The following TRHDE variants were observed in gnomAD, a reference collection of about 807,000 sequenced individuals.
TRHDE encodes the protein thyrotropin-releasing hormone-degrading ectoenzyme.
TRHDE carries 72 observed loss-of-function variants against 125.7 expected under a neutral mutation model. The ratio of observed to expected loss-of-function variants is 0.57; its 90% CI spans 0.47 to 0.70. TRHDE has a LOEUF of 0.70. TRHDE is among the 30% of genes least tolerant of loss of function. The probability of loss-of-function intolerance (pLI) is 0.00; values close to 1 mark genes in which losing one functional copy is unlikely to be tolerated. For synonymous variants in TRHDE, 509 were observed against 509.1 expected, an observed-to-expected ratio of 1.00 and a Z score of 0.00; for missense variants, 1,110 against 1,327.1, an observed-to-expected ratio of 0.84 and a Z score of 2.54.
At chr12:72,302,947 G>T (rs746588666) in intron 2 of TRHDE, among the ~76,000 whole-genome samples, 4 of 152,136 alleles carry the variant, frequency 2.6e-5, no homozygotes, top group South Asian at 2.1e-4. Flanking sequence ...TAGCACATCC[G>T]ATGTGACAAC....
Position 72,537,454 on chromosome 12 carries a change from G to T in TRHDE, c.1723-4837G>T, listed in dbSNP as rs142573992. ...TTTCATAAGTGGTAGTTTTTCCTGC[G>T]TGCTCACACTCACAAGAAGGTGCTT... On this transcript the variant is annotated intron_variant, in intron 6 of 18. Transcript: ENST00000261180. 3.0e-4 allele frequency among the ~76,000 whole-genome samples: 45 copies of T among 151,998 alleles called. 1 individual carries two copies. The East Asian group carries it at 7.4e-3, about 25-fold the overall frequency.
At chr12:72,268,498 C>T (rs12423974), upstream of TRHDE, among the ~76,000 whole-genome samples, 27,081 of 151,822 alleles carry the variant, frequency 0.18, 2,554 homozygotes, top group Middle Eastern at 0.34. Flanking sequence ...AAATTGAGTC[C>T]ATTAAGTACT....
At chr12:72,434,922 C>A (rs1874670407) in intron 3 of TRHDE, among the ~76,000 whole-genome samples, 1 of 152,128 alleles carries the variant, frequency 6.6e-6, no homozygotes, top group Non-Finnish European at 1.5e-5. Flanking sequence ...AAGAGTTGTT[C>A]TTTGAACTAC....
rs1304514554 is a variant in TRHDE, at chr12:72,155,013, C to T, written n.279+49261C>T. Among the ~76,000 whole-genome samples the T allele has an allele frequency of 4.6e-5, 7 of 152,284 alleles. No individual in the cohort carries two copies. The South Asian group carries it at 1.2e-3, about 27-fold the overall frequency. ...TTTTCTAACTTGGTTCCATTCTCCC[C>T]GTCACTTTCAGGTACACCAATCAGA... On this transcript the variant is annotated intron_variant and non_coding_transcript_variant, in intron 2 of 4. Coordinates refer to the TRHDE transcript ENST00000548156.
chr12:72,302,545 A>G (rs1050290880), intron 2 of TRHDE, among the ~76,000 whole-genome samples: 1 of 152,122 alleles, frequency 6.6e-6, no homozygotes, highest in African/African-American at 2.4e-5. Flanking sequence ...TTTATAATCT[A>G]TAGATGAGGA....
intron 4 of TRHDE, 110 bp from the exon 5 acceptor site, chr12:72,472,957 G>C (rs910781660): frequency 1.2e-5 from 10 of 851,672 alleles, no homozygotes; most frequent in Non-Finnish European, 1.9e-5. Context: ...AAATCAACTG[G>C]GGAATGAATT....
intron 2 of TRHDE, among the ~76,000 whole-genome samples, chr12:72,338,517 T>C (rs1472633848): frequency 6.6e-6 from 1 of 152,168 alleles, no homozygotes; most frequent in Non-Finnish European, 1.5e-5. Flanking sequence ...CAAAAGGAGT[T>C]AGAGTGTAGG....
intron 1 of TRHDE, among the ~76,000 whole-genome samples, chr12:72,281,057 C>A (rs968389421): frequency 2.0e-5 from 3 of 152,298 alleles, no homozygotes; most frequent in African/African-American, 7.2e-5. Flanking sequence ...ATATTTAGTA[C>A]ATAAATGGTG....
At chr12:72,539,512 C>A (rs1354233511) in intron 6 of TRHDE, among the ~76,000 whole-genome samples, 1 of 151,840 alleles carries the variant, frequency 6.6e-6, no homozygotes, top group African/African-American at 2.4e-5. Flanking sequence ...TAAGGGAGCA[C>A]CTCCTCTGAG....
chr12:72,403,689 C>A (rs1328905108), intron 3 of TRHDE, among the ~76,000 whole-genome samples: 2 of 152,148 alleles, frequency 1.3e-5, no homozygotes, highest in Non-Finnish European at 2.9e-5. Context: ...TAAGCCAGAT[C>A]CAAAGGCAGC....
At chr12:72,500,403 T>C (rs1269738886) in intron 6 of TRHDE, among the ~76,000 whole-genome samples, 1 of 152,126 alleles carries the variant, frequency 6.6e-6, no homozygotes, top group East Asian at 1.9e-4. Context: ...GTACTTTTTT[T>C]TTCTTTTGAG....
intron 1 of TRHDE, among the ~76,000 whole-genome samples, chr12:72,090,232 C>T (rs552056744): frequency 2.0e-5 from 3 of 152,126 alleles, no homozygotes; most frequent in African/African-American, 7.2e-5. Flanking sequence ...GAGATAATTA[C>T]TACTAACAAA....
chr12:72,297,630 GA>G (rs1880351803), intron 2 of TRHDE, among the ~76,000 whole-genome samples: 2 of 152,274 alleles, frequency 1.3e-5, no homozygotes, highest in Admixed American at 1.3e-4. Flanking sequence ...TAGGAATAGT[GA>G]AAGCCATGAA....
chr12:72,473,784 G>A (rs1354866258), intron 5 of TRHDE, among the ~76,000 whole-genome samples: 1 of 151,942 alleles, frequency 6.6e-6, no homozygotes, highest in Non-Finnish European at 1.5e-5. Flanking sequence ...TTTGCTATAT[G>A]TCTTTTTATA....
intron 3 of TRHDE, among the ~76,000 whole-genome samples, chr12:72,402,269 A>C (rs1873075657): frequency 8.4e-6 from 1 of 118,358 alleles, no homozygotes. Context: ...CTGATGAGCT[A>C]AAAAAAAAAC....
rs552483068 is a variant in TRHDE, at chr12:72,653,920, C to T, written c.2984+764C>T. On this transcript the variant is annotated intron_variant, in intron 17 of 18. Transcript: ENST00000261180. Reference sequence around the variant, plus strand: ...ACTTTATTATTTTTAAGCATACCTTCATCAGTTGCCCTGGTATAATCAGTT... The same window carrying T: ...ACTTTATTATTTTTAAGCATACCTTTATCAGTTGCCCTGGTATAATCAGTT... 1.1e-4 allele frequency among the ~76,000 whole-genome samples: 17 copies of T among 152,256 alleles called. No homozygotes were observed. In the South Asian group the frequency reaches 3.3e-3, roughly 30 times the overall value.
chr12:72,588,477 T>C (rs1662758366), intron 12 of TRHDE, among the ~76,000 whole-genome samples: 1 of 152,182 alleles, frequency 6.6e-6, no homozygotes, highest in African/African-American at 2.4e-5. Flanking sequence ...TGAATGTGTT[T>C]AGGCAGGAAA....
At chr12:72,630,310 A>G (rs929871830) in intron 15 of TRHDE, among the ~76,000 whole-genome samples, 18 of 151,752 alleles carry the variant, frequency 1.2e-4, no homozygotes, top group African/African-American at 3.9e-4. Flanking sequence ...GAGTGTCCCT[A>G]TAGGGGAAAA....
At chr12:72,587,368 C>T (rs963946888) in intron 12 of TRHDE, among the ~76,000 whole-genome samples, 1 of 151,820 alleles carries the variant, frequency 6.6e-6, no homozygotes, top group Non-Finnish European at 1.5e-5. Context: ...TCAACAGATG[C>T]AATACGTAGG....
Sources: allele counts gnomAD v4.1 joint callset (sites outside exome capture counted in the v4.1 genomes callset), GRCh38; gene constraint gnomAD v4.1.1; transcripts MANE v1.5; gene names NCBI Gene and HGNC (gene_info 2026-07-23, HGNC 2026-07-21).